The following CDK17 variants were observed in gnomAD, a reference collection of about 807,000 sequenced individuals.
The protein encoded by CDK17 is cyclin dependent kinase 17.
CDK17 carries 24 observed loss-of-function variants against 77.6 expected under a neutral mutation model. The observed-to-expected ratio is 0.31, with a 90% CI of 0.22 to 0.44. CDK17 has a LOEUF of 0.44. CDK17 is among the 20% of genes least tolerant of loss of function. The probability of loss-of-function intolerance (pLI) is 1.00; values close to 1 mark genes in which losing one functional copy is unlikely to be tolerated. For missense variants in CDK17, 429 were observed against 622.5 expected (o/e 0.69, Z 3.31); for synonymous variants, 203 against 210.4 (o/e 0.96, Z 0.30).
At chr12:96,353,334 A>C (rs1403137614) in intron 1 of CDK17, among the ~76,000 whole-genome samples, 2 of 152,204 alleles carry the variant, frequency 1.3e-5, no homozygotes, top group Non-Finnish European at 1.5e-5. Flanking sequence ...GATGTTTACT[A>C]TTCCATTGTA....
At chr12:96,294,232 A>C (rs112058804) in intron 10 of CDK17, among the ~76,000 whole-genome samples, 5 of 152,306 alleles carry the variant, frequency 3.3e-5, no homozygotes, top group African/African-American at 4.8e-5. Context: ...ATAATTAATA[A>C]ATTTTATTGC....
chr12:96,282,700 TG>T (rs780279482), intron 14 of CDK17, 101 bp from the exon 15 acceptor site: 105 of 706,092 alleles, frequency 1.5e-4, no homozygotes, highest in Non-Finnish European at 2.3e-4. Flanking sequence ...AAAAAAATCT[TG>T]ATTATTTAAT....
At chr12:96,294,611 A>AAAAAAAAAAAAAAAAAAAAAAAT (rs71097274) in intron 10 of CDK17, among the ~76,000 whole-genome samples, 2 of 121,254 alleles carry the variant, frequency 1.6e-5, no homozygotes, top group African/African-American at 3.1e-5. Context: ...AAAAAAAAAA[A>AAAAAAAAAAAAAAAAAAAAAAAT]GATATATTTT....
chr12:96,350,626 C>T (rs1204567563), intron 1 of CDK17, among the ~76,000 whole-genome samples: 1 of 152,070 alleles, frequency 6.6e-6, no homozygotes, highest in African/African-American at 2.4e-5. Context: ...AGGGAGGGAG[C>T]AGTTTATTTA....
chr12:96,361,141 C>A (rs1953487177), intron 1 of CDK17, among the ~76,000 whole-genome samples: 1 of 152,118 alleles, frequency 6.6e-6, no homozygotes, highest in African/African-American at 2.4e-5. Context: ...GGGAACCCTG[C>A]AAAGCTGGAA....
intron 1 of CDK17, among the ~76,000 whole-genome samples, chr12:96,337,615 A>C (rs1487270830): frequency 6.6e-6 from 1 of 152,180 alleles, no homozygotes; most frequent in Non-Finnish European, 1.5e-5. Flanking sequence ...AAACCTGTTA[A>C]TTGTAGGGTT....
Position 96,369,596 on chromosome 12 carries a change from G to A in CDK17, c.-30+30390C>T, listed in dbSNP as rs572236405. On this transcript the variant is annotated intron_variant, in intron 1 of 16. Transcript: ENST00000261211. The stretch of plus-strand genomic sequence containing the variant: ...AGTTTGAGACTAGCCTGGACAACAC[G>A]GAGAAACCTGGTCTCTACTAAAAAC... Among the ~76,000 whole-genome samples, 31 of 152,172 alleles carry A rather than the reference G, an allele frequency of 2.0e-4. No homozygotes were observed. In the South Asian group the frequency reaches 4.1e-3, roughly 20 times the overall value.
At chr12:96,341,624 A>G (rs1953123943) in intron 1 of CDK17, among the ~76,000 whole-genome samples, 1 of 152,146 alleles carries the variant, frequency 6.6e-6, no homozygotes, top group South Asian at 2.1e-4. Flanking sequence ...ACAATTAAGG[A>G]AAGGTAAGAA....
At chr12:96,392,477 A>G (rs1200041233) in intron 1 of CDK17, among the ~76,000 whole-genome samples, 2 of 152,256 alleles carry the variant, frequency 1.3e-5, no homozygotes, top group Non-Finnish European at 2.9e-5. Context: ...AGACATTCCA[A>G]AACCCTTACG....
chr12:96,352,990 C>T lies in CDK17; in HGVS notation c.-29-18125G>A, dbSNP rs1024889992. Among the ~76,000 whole-genome samples, 4 of 152,180 alleles carry T rather than the reference C, an allele frequency of 2.6e-5. No homozygotes were observed. The South Asian group carries it at 8.3e-4, about 32-fold the overall frequency. On this transcript the variant is annotated intron_variant, in intron 1 of 16. Transcript: ENST00000261211. ...TTCATACAACATAGAAACCACCTGT[C>T]CCACTACTATTAATAGTTTGGTCAA...
chr12:96,334,704 A>G lies in CDK17; in HGVS notation c.118+15T>C, dbSNP rs1368601538. On this transcript the variant is annotated intron_variant, in intron 2 of 16. Coordinates refer to ENST00000261211, the MANE Select transcript of CDK17 (RefSeq NM_002595.5). ...TTAAAAGGAGGAAGCATCTCCCCCT[A>G]TGCCAAATATTTACCATTATCCTTG... The G allele has an allele frequency of 1.4e-6, 2 of 1,387,238 alleles. No individual in the cohort carries two copies. Among genetic ancestry groups the G allele is most frequent in the Non-Finnish European group, 2.0e-6 (2 of 976,382 alleles). 85.9% of individuals were successfully genotyped at this position (1,387,238 alleles called of 1,614,324 possible). A position where few individuals can be genotyped will look rare whatever the true frequency, so the allele number is the denominator to read the frequency against.
At chr12:96,375,439 T>A (rs1302696740) in intron 1 of CDK17, among the ~76,000 whole-genome samples, 2 of 151,816 alleles carry the variant, frequency 1.3e-5, no homozygotes, top group Non-Finnish European at 2.9e-5. Context: ...TGTTTCCTCC[T>A]TAGGCAAGCT....
At chr12:96,297,447 C>A (rs1231022080) in intron 8 of CDK17, 115 bp from the exon 9 acceptor site, 2 of 752,250 alleles carry the variant, frequency 2.7e-6, no homozygotes, top group Admixed American at 2.7e-5. Context: ...ACTGGATGCA[C>A]CATACACATA....
intron 1 of CDK17, among the ~76,000 whole-genome samples, chr12:96,389,302 A>C (rs1954027659): frequency 6.6e-6 from 1 of 152,064 alleles, no homozygotes; most frequent in Admixed American, 6.6e-5. Flanking sequence ...GCTTATAGTA[A>C]TATGGTTATT....
intron 1 of CDK17, among the ~76,000 whole-genome samples, chr12:96,397,747 T>C (rs915870937): frequency 5.3e-5 from 8 of 152,108 alleles, no homozygotes; most frequent in Non-Finnish European, 4.4e-5. Context: ...TACTGATAAA[T>C]ATGCAGGAAA....
At chr12:96,346,139 G>A (rs1953207402) in intron 1 of CDK17, among the ~76,000 whole-genome samples, 1 of 152,078 alleles carries the variant, frequency 6.6e-6, no homozygotes, top group Non-Finnish European at 1.5e-5. Flanking sequence ...CCAACATGGT[G>A]AAATCCCATT....
At chr12:96,334,933 G>A (rs1953021873) in intron 1 of CDK17, 68 bp from the exon 2 acceptor site, 1 of 714,370 alleles carries the variant, frequency 1.4e-6, no homozygotes, top group Non-Finnish European at 2.5e-6. Context: ...AATACCGCCT[G>A]GGTTTACTGG....
At chr12:96,350,838 A>G (rs1274929570) in intron 1 of CDK17, among the ~76,000 whole-genome samples, 2 of 152,182 alleles carry the variant, frequency 1.3e-5, no homozygotes, top group African/African-American at 4.8e-5. Flanking sequence ...CACAGGCAAC[A>G]ACAAAAAAGA....
chr12:96,288,070 T>C (rs1370328739), intron 11 of CDK17, among the ~76,000 whole-genome samples: 3 of 152,084 alleles, frequency 2.0e-5, no homozygotes, highest in Non-Finnish European at 2.9e-5. Flanking sequence ...AGTTTTGGTT[T>C]TGCAAGATGA....
Sources: allele counts gnomAD v4.1 joint callset (sites outside exome capture counted in the v4.1 genomes callset), GRCh38; gene constraint gnomAD v4.1.1; transcripts MANE v1.5; gene names NCBI Gene and HGNC (gene_info 2026-07-23, HGNC 2026-07-21).